ABLIM2: variants seen among roughly 807,000 people sequenced by gnomAD.
The protein encoded by ABLIM2 is actin-binding LIM protein 2.
In ABLIM2, 53 loss-of-function variants were observed where a neutral mutation model predicts 97.7. That is an observed-to-expected ratio of 0.54 (90% CI 0.44 to 0.68). ABLIM2 has a LOEUF of 0.68. ABLIM2 is among the 30% of genes least tolerant of loss of function. The pLI is 0.00. For missense variants in ABLIM2, 835 were observed against 867.2 expected (o/e 0.96, Z 0.47); for synonymous variants, 361 against 345.8 (o/e 1.04, Z -0.49).
intron 8 of ABLIM2, among the ~76,000 whole-genome samples, chr4:8,050,509 A>G (rs1009241895): frequency 3.3e-5 from 5 of 152,182 alleles, no homozygotes; most frequent in African/African-American, 1.2e-4. Flanking sequence ...GAGCTGGCAC[A>G]GAGGGGCTAG....
intron 1 of ABLIM2, among the ~76,000 whole-genome samples, chr4:8,152,435 C>T (rs888047369): frequency 9.9e-5 from 15 of 152,228 alleles, no homozygotes; most frequent in African/African-American, 3.6e-4. Flanking sequence ...GGGAGGAAAC[C>T]TATACGAGCA....
chr4:8,091,369 T>TATATAATA (rs1252396361), intron 3 of ABLIM2, among the ~76,000 whole-genome samples: 9 of 54,440 alleles, frequency 1.7e-4, no homozygotes, highest in African/African-American at 6.4e-4. Flanking sequence ...ATATATTATA[T>TATATAATA]TACATATAAT....
rs895443504 is a variant in ABLIM2 at position 8,083,094 on chromosome 4, G to A, written c.455-2292C>T. On this transcript the variant is annotated intron_variant, in intron 4 of 20. Coordinates refer to ENST00000447017, the MANE Select transcript of ABLIM2 (RefSeq NM_001130083.2). This position sits in a 1 kb window ranked among gnomAD's most constrained non-coding sequence, Gnocchi z 4.6. ...TGCCAGGACAGCCGCCCTCAACAGG[G>A]CTCTCTGGCCCCACATGTGAATGGT... 1.3e-5 allele frequency among the ~76,000 whole-genome samples: 2 copies of A among 152,152 alleles called. No homozygotes were observed. Among genetic ancestry groups the A allele is most frequent in the Admixed American group, 1.3e-4 (2 of 15,272 alleles).
intron 12 of ABLIM2, among the ~76,000 whole-genome samples, chr4:8,027,462 G>T (rs970982254): frequency 6.6e-6 from 1 of 152,204 alleles, no homozygotes. Context: ...CTTGGGTAGG[G>T]GTTCTGAGGA....
intron 18 of ABLIM2, 117 bp downstream of exon 18, chr4:7,984,722 C>A: frequency 8.6e-7 from 1 of 1,162,508 alleles, no homozygotes; most frequent in Non-Finnish European, 1.2e-6. Context: ...TGTCCCCGCC[C>A]GGCACTCCCG....
Position 8,133,988 on chromosome 4 carries a change from G to T in ABLIM2, c.10+24692C>A, listed in dbSNP as rs79591033. The stretch of plus-strand genomic sequence containing the variant: ...CATGCATGAAGCTGGCAGGTTGCAG[G>T]GGGGGGTGACGAACAGTGAACAGCG... On this transcript the variant is annotated intron_variant, in intron 1 of 20. Coordinates refer to ENST00000447017, the MANE Select transcript of ABLIM2 (RefSeq NM_001130083.2). Among the ~76,000 whole-genome samples the T allele has an allele frequency of 5.9e-3, 888 of 151,750 alleles. 6 individuals are homozygous for T. Among genetic ancestry groups the T allele is most frequent in the African/African-American group, 8.3e-3 (342 of 41,132 alleles).
At position 8,082,664 on chromosome 4, in the gene ABLIM2, T is replaced by G. The variant is rs1820684078; in HGVS notation, c.455-1862A>C. 6.6e-6 allele frequency among the ~76,000 whole-genome samples: 1 copy of G among 152,208 alleles called. No homozygotes were observed. Among genetic ancestry groups the G allele is most frequent in the South Asian group, 2.1e-4 (1 of 4,832 alleles). On this transcript the variant is annotated intron_variant, in intron 4 of 20. Transcript: ENST00000447017. This position sits in a 1 kb window ranked among gnomAD's most constrained non-coding sequence, Gnocchi z 5.6. ...ACAGCCAGAGAGCAGATTCAAACTC[T>G]GAGGGAAAGGGGGGCCTCTTACTCA...
chr4:8,120,564 A>C lies in ABLIM2; in HGVS notation c.11-13927T>G, dbSNP rs28631772. 6.6e-6 allele frequency among the ~76,000 whole-genome samples: 1 copy of C among 152,116 alleles called. No homozygotes were observed. The highest frequency in any genetic ancestry group is 1.9e-4 in the East Asian group (1 of 5,194). ...GGTCCTTCCTTGCAGCCTCAGAAGG[A>C]GCCAGCCCTGCCCGCACCTTGATCT... On this transcript the variant is annotated intron_variant, in intron 1 of 20. Coordinates refer to ENST00000447017, the MANE Select transcript of ABLIM2 (RefSeq NM_001130083.2). The surrounding 1 kb of genome is among the most constrained non-coding windows in gnomAD (Gnocchi z 5.6).
At position 8,031,396 on chromosome 4, in the gene ABLIM2, G is replaced by A. The variant is rs1357792552; in HGVS notation, c.1048-1620C>T. On this transcript the variant is annotated intron_variant, in intron 10 of 20. Transcript: ENST00000447017. ...CCTCCCTCAGGGGTTCCCTGTGCAGGTAAATGAGGAGATGAAAAGATGCCC... is the reference window on the plus strand; with the variant it reads ...CCTCCCTCAGGGGTTCCCTGTGCAGATAAATGAGGAGATGAAAAGATGCCC... Among the ~76,000 whole-genome samples the A allele has an allele frequency of 3.3e-5, 5 of 152,222 alleles. No homozygotes were observed. The East Asian group carries it at 7.7e-4, about 23-fold the overall frequency.
At chr4:8,018,537 GACATTTC>G (rs1771162006) in intron 14 of ABLIM2, among the ~76,000 whole-genome samples, 1 of 152,142 alleles carries the variant, frequency 6.6e-6, no homozygotes, top group Non-Finnish European at 1.5e-5. Flanking sequence ...GGAAACTCAA[GACATTTC>G]ATTCACTTTT....
Position 8,085,967 on chromosome 4 carries a change from T to C in ABLIM2, c.454+2202A>G, listed in dbSNP as rs923339136. Among the ~76,000 whole-genome samples, 2 of 152,058 alleles carry C rather than the reference T, an allele frequency of 1.3e-5. No individual in the cohort carries two copies. The highest frequency in any genetic ancestry group is 2.9e-5 in the Non-Finnish European group (2 of 67,994). On this transcript the variant is annotated intron_variant, in intron 4 of 20. Coordinates refer to ENST00000447017, the MANE Select transcript of ABLIM2 (RefSeq NM_001130083.2). This position sits in a 1 kb window ranked among gnomAD's most constrained non-coding sequence, Gnocchi z 6.1. ...ACAGAGCACCCAGCACACCCACCCC[T>C]GCCAGGTACAGGGCACTCCTGCACC...
chr4:7,986,269 G>T lies in ABLIM2; in HGVS notation c.1681-1376C>A, dbSNP rs114565777. 1.9e-3 allele frequency among the ~76,000 whole-genome samples: 289 copies of T among 152,264 alleles called. 2 individuals carry two copies. Among genetic ancestry groups the T allele is most frequent in the South Asian group, 0.018 (87 of 4,812 alleles). On this transcript the variant is annotated intron_variant, in intron 17 of 20. Transcript: ENST00000447017. The surrounding 1 kb of genome is among the most constrained non-coding windows in gnomAD (Gnocchi z 4.3). ...AGCTTTGCAGTAGGAAATCAGTGAG[G>T]AGCTGGTTACAGCCTAGAGAGCACG...
In ABLIM2 at chr4:8,148,406, C is replaced by T. The variant is rs996248317; in HGVS notation, c.10+10274G>A. On this transcript the variant is annotated intron_variant, in intron 1 of 20. Transcript: ENST00000447017. This position sits in a 1 kb window ranked among gnomAD's most constrained non-coding sequence, Gnocchi z 6.7. The stretch of plus-strand genomic sequence containing the variant: ...CAGGGCCCACAGGAGGTGAGGGAGC[C>T]GCTCAGGACGCGGGGGGGCCATGGC... Among the ~76,000 whole-genome samples the T allele has an allele frequency of 2.0e-5, 3 of 152,126 alleles. No individual in the cohort carries two copies. Among genetic ancestry groups the T allele is most frequent in the Non-Finnish European group, 2.9e-5 (2 of 68,018 alleles).
In ABLIM2 at chr4:8,112,698, G is replaced by A. The variant is rs1397398697; in HGVS notation, c.11-6061C>T. Among the ~76,000 whole-genome samples, 1 of 152,184 alleles carries A rather than the reference G, an allele frequency of 6.6e-6. No individual in the cohort carries two copies. Among genetic ancestry groups the A allele is most frequent in the Non-Finnish European group, 1.5e-5 (1 of 68,038 alleles). On this transcript the variant is annotated intron_variant, in intron 1 of 20. Transcript: ENST00000447017. This position sits in a 1 kb window ranked among gnomAD's most constrained non-coding sequence, Gnocchi z 4.2. ...AGTGAACACAACAGCCACGGTCCCA[G>A]CCCTCGACATTCTCTTGTTTGTTCC...
chr4:8,099,706 G>A (rs541544122), intron 2 of ABLIM2, among the ~76,000 whole-genome samples: 15 of 152,074 alleles, frequency 9.9e-5, no homozygotes, highest in African/African-American at 2.7e-4. Flanking sequence ...TTATCCGGGC[G>A]TGGTGGCGGG....
chr4:8,136,148 G>A (rs949358025), intron 1 of ABLIM2, among the ~76,000 whole-genome samples: 14 of 152,214 alleles, frequency 9.2e-5, no homozygotes, highest in African/African-American at 2.9e-4. Context: ...TCCCGACAGA[G>A]GCTACAGCAT....
intron 6 of ABLIM2, chr4:8,066,523 T>C (rs1807874753): frequency 6.6e-6 from 1 of 152,082 alleles, no homozygotes; most frequent in African/African-American, 2.4e-5. Context: ...GTGTCCATCG[T>C]GGATGAAGAA....
chr4:8,095,437 T>A lies in ABLIM2; in HGVS notation c.338+1662A>T, dbSNP rs932748308. ...CAAGTTTTGATTGGACACTGAACAC[T>A]TATAAATTTTACGTTGTTGAATGCT... On this transcript the variant is annotated intron_variant, in intron 3 of 20. Coordinates refer to ENST00000447017, the MANE Select transcript of ABLIM2 (RefSeq NM_001130083.2). This position sits in a 1 kb window ranked among gnomAD's most constrained non-coding sequence, Gnocchi z 4.7. 6.6e-6 allele frequency among the ~76,000 whole-genome samples: 1 copy of A among 152,166 alleles called. No individual in the cohort carries two copies. Among genetic ancestry groups the A allele is most frequent in the African/African-American group, 2.4e-5 (1 of 41,434 alleles).
intron 1 of ABLIM2, among the ~76,000 whole-genome samples, chr4:8,129,133 G>C (rs2152928104): frequency 6.6e-6 from 1 of 152,296 alleles, no homozygotes; most frequent in Non-Finnish European, 1.5e-5. Flanking sequence ...TGGTGGGCTT[G>C]TCTAGGCACT....
Sources: gnomAD v4.1 joint callset for allele counts (sites outside exome capture counted in the v4.1 genomes callset) on GRCh38, gnomAD v4.1.1 for gene constraint, Gnocchi (gnomAD v3.1) non-coding constraint, MANE v1.5 for transcripts, NCBI Gene and HGNC (gene_info 2026-07-23, HGNC 2026-07-21) for gene names.